The following GPC4 variants were observed in gnomAD, a reference collection of about 807,000 sequenced individuals.
The protein encoded by GPC4 is glypican-4.
Under a neutral mutation model 35.0 loss-of-function variants are expected in GPC4, and 10 were observed. The ratio of observed to expected loss-of-function variants is 0.29; its 90% confidence interval spans 0.18 to 0.48. The LOEUF (loss-of-function observed/expected upper bound fraction) is 0.48. Among genes scored for constraint, GPC4 ranks in the 20% least tolerant of loss-of-function variants. GPC4 has a pLI of 0.99. For missense variants in GPC4, 322 were observed against 451.3 expected, an observed-to-expected ratio of 0.71 and a Z score of 2.60; for synonymous variants, 167 against 170.2, an observed-to-expected ratio of 0.98 and a Z score of 0.15.
chrX:133,371,363 T>C (rs1460432526), intron 1 of GPC4, among the ~76,000 whole-genome samples: 1 of 112,426 alleles, frequency 8.9e-6, no homozygotes, highest in East Asian at 2.8e-4. Context: ...TCTGTGTTAT[T>C]TTCTTAAGGC....
At chrX:133,318,002 G>C (rs1459676164) in intron 3 of GPC4, among the ~76,000 whole-genome samples, 1 of 112,050 alleles carries the variant, frequency 8.9e-6, no homozygotes, top group Non-Finnish European at 1.9e-5. Context: ...CTTGAAATGT[G>C]TCTTGTCTTT....
At chrX:133,310,198 A>G (rs1397204262) in intron 4 of GPC4, among the ~76,000 whole-genome samples, 3 of 111,572 alleles carry the variant, frequency 2.7e-5, no homozygotes, top group African/African-American at 9.8e-5. Context: ...ACCAAGCCAG[A>G]ATACTGCATA....
chrX:133,312,368 C>T (rs1182848770), intron 3 of GPC4, among the ~76,000 whole-genome samples: 2 of 110,909 alleles, frequency 1.8e-5, no homozygotes, highest in Admixed American at 1.9e-4. Context: ...CGGTGGCTCA[C>T]GCCTGTAATC....
intron 1 of GPC4, among the ~76,000 whole-genome samples, chrX:133,367,499 T>C (rs2068594926): frequency 8.9e-6 from 1 of 112,490 alleles, no homozygotes. Context: ...GAATATACTG[T>C]TTCCTGTTCT....
Position 133,306,169 on chromosome X carries a change from G to A in GPC4, c.878-15C>T. The stretch of plus-strand genomic sequence containing the variant: ...CAGCATAGCATCTAATATGAGGTTT[G>A]GGGAAGAACAATACAGCATAAAAAG... On this transcript the variant is annotated splice_polypyrimidine_tract_variant and intron_variant, in intron 4 of 8. Transcript: ENST00000370828. 1 of 1,210,014 alleles carries A rather than the reference G, an allele frequency of 8.3e-7. No homozygotes were observed. The highest frequency in any genetic ancestry group is 1.1e-6 in the Non-Finnish European group (1 of 894,277).
rs1163177928 is a variant in GPC4, at chrX:133,324,268, C to G, written c.588G>C (p.Gln196His). Residue 196 changes from glutamine (Q) to histidine (H), a missense_variant, in exon 3 of 9, where the codon CAG becomes CAC. Transcript: ENST00000370828. Reference sequence around the variant, plus strand: ...GAGGGACATCTCCGAAGGGCTTCAGCTGCTCCGTATACTTGCTCACACATT... The same window carrying G: ...GAGGGACATCTCCGAAGGGCTTCAGGTGCTCCGTATACTTGCTCACACATT... ...YLECVSKYTEQLKPFGDVPRK... is the reference protein window; with the variant it reads ...YLECVSKYTEHLKPFGDVPRK... 1 of 1,211,665 alleles carries G rather than the reference C, an allele frequency of 8.3e-7. No homozygotes were observed. Among genetic ancestry groups the G allele is most frequent in the South Asian group, 1.8e-5 (1 of 56,973 alleles).
intron 1 of GPC4, among the ~76,000 whole-genome samples, chrX:133,377,265 G>A (rs978265180): frequency 3.6e-5 from 4 of 111,629 alleles, no homozygotes; most frequent in Non-Finnish European, 7.5e-5. Flanking sequence ...CAGAGCCTAA[G>A]ACCTCCCAAC....
At chrX:133,375,269 T>C (rs960458566) in intron 1 of GPC4, among the ~76,000 whole-genome samples, 4 of 111,466 alleles carry the variant, frequency 3.6e-5, no homozygotes, top group African/African-American at 1.3e-4. Context: ...ACAATGCTAA[T>C]GGAGGCAGTT....
chrX:133,411,313 C>T (rs762879307), intron 1 of GPC4, among the ~76,000 whole-genome samples: 7 of 112,310 alleles, frequency 6.2e-5, no homozygotes, highest in African/African-American at 1.9e-4. Flanking sequence ...TTCATGAATG[C>T]TTCTAACCCA....
Position 133,324,425 on chromosome X carries a change from A to G in GPC4, c.431T>C (p.Val144Ala), listed in dbSNP as rs1369534295. 8.3e-7 allele frequency: 1 copy of G among 1,211,103 alleles called. No homozygotes were observed. Among genetic ancestry groups the G allele is most frequent in the Non-Finnish European group, 1.1e-6 (1 of 895,228 alleles). The part of the protein sequence containing the change: ...QNSELFKDLF[V>A]ELKRYYVVGN... Reference sequence around the variant, plus strand: ...CACCACGTAGTAACGTTTCAACTCTACGAAGAGATCTTTAAATAGCTCAGA... The same window carrying G: ...CACCACGTAGTAACGTTTCAACTCTGCGAAGAGATCTTTAAATAGCTCAGA... The change falls in exon 3 of 9, where the codon GTA becomes GCA. Residue 144 changes from valine to alanine, a missense_variant. Physicochemically the swap from Val to Ala is moderately conservative, Grantham distance 64. Around this residue, in one of 3 missense-constraint regions of GPC4, gnomAD observed 163 missense variants for 277.2 expected, o/e 0.59. Coordinates refer to ENST00000370828, the MANE Select transcript of GPC4 (RefSeq NM_001448.3).
At chrX:133,405,038 T>G (rs769232919) in intron 1 of GPC4, among the ~76,000 whole-genome samples, 1 of 109,859 alleles carries the variant, frequency 9.1e-6, no homozygotes, top group African/African-American at 3.3e-5. Flanking sequence ...GATAGGTAAA[T>G]GTGTAAGTTA....
chrX:133,343,673 C>T (rs966163176), intron 1 of GPC4, among the ~76,000 whole-genome samples: 2 of 111,069 alleles, frequency 1.8e-5, no homozygotes, highest in African/African-American at 3.3e-5. Context: ...TTCAATGAAG[C>T]GTGCTTTTAA....
In GPC4 at chrX:133,306,137, C is replaced by T. The variant is rs2068290185; in HGVS notation, c.895G>A (p.Ala299Thr). Residue 299 changes from alanine to threonine, a missense_variant, in exon 5 of 9, where the codon GCA (alanine) becomes ACA (threonine). This residue lies in a region of GPC4 where 163 missense variants were observed against 277.2 expected (regional missense o/e 0.59). Coordinates refer to ENST00000370828, the MANE Select transcript of GPC4 (RefSeq NM_001448.3). ...NNFIDAMLMV[A>T]ERLEGPFNIE... is the part of the protein sequence containing the mutation. ...TTGAAAGGACCCTCTAGCCTCTCTG[C>T]CACCATCAGCATAGCATCTAATATG... 1.7e-6 allele frequency: 2 copies of T among 1,211,102 alleles called. No homozygotes were observed. Among genetic ancestry groups the T allele is most frequent in the Non-Finnish European group, 2.2e-6 (2 of 895,054 alleles).
In GPC4 at chrX:133,324,127, A is replaced by G. The variant is rs763025034; in HGVS notation, c.711+18T>C. The G allele has an allele frequency of 1.6e-5, 18 of 1,154,191 alleles. No individual in the cohort carries two copies. The African/African-American group carries it at 1.8e-4, about 12-fold the overall frequency. The stretch of plus-strand genomic sequence containing the variant: ...AAAACAAAACAAAAACAAAACAGAG[A>G]AGACAAGGAGTACTTACCACGGAGA... On this transcript the variant is annotated intron_variant, in intron 3 of 8. Coordinates refer to ENST00000370828, the MANE Select transcript of GPC4 (RefSeq NM_001448.3).
chrX:133,321,473 AG>A (rs754463395), intron 3 of GPC4, among the ~76,000 whole-genome samples: 1 of 112,187 alleles, frequency 8.9e-6, no homozygotes, highest in East Asian at 2.8e-4. Flanking sequence ...GGAAGGGGAG[AG>A]GGTTAACATA....
At chrX:133,311,876 ATCT>A (rs1464349152) in intron 3 of GPC4, among the ~76,000 whole-genome samples, 1 of 112,123 alleles carries the variant, frequency 8.9e-6, no homozygotes, top group African/African-American at 3.2e-5. Flanking sequence ...ACAGAAGCAC[ATCT>A]TCTTCTGCAT....
intron 1 of GPC4, among the ~76,000 whole-genome samples, chrX:133,341,004 A>G (rs73239380): frequency 0.054 from 5,463 of 101,785 alleles, 142 homozygotes; most frequent in Non-Finnish European, 0.077. Flanking sequence ...AAAAAAAGGG[A>G]AAAAAAAGGT....
intron 1 of GPC4, among the ~76,000 whole-genome samples, chrX:133,389,780 C>T: frequency 9.0e-6 from 1 of 111,424 alleles, no homozygotes; most frequent in Non-Finnish European, 1.9e-5. Context: ...GCACCACGGA[C>T]CGTGGGTACA....
At chrX:133,326,535 C>T (rs943380681) in intron 2 of GPC4, among the ~76,000 whole-genome samples, 2 of 111,290 alleles carry the variant, frequency 1.8e-5, no homozygotes, top group Non-Finnish European at 3.8e-5. Flanking sequence ...GTGGACAGGC[C>T]AAAATTTTCA....
Sources: gnomAD v4.1 joint callset for allele counts (sites outside exome capture counted in the v4.1 genomes callset) on GRCh38, gnomAD v4.1.1 for gene constraint, gnomAD v4.1.1 regional missense constraint, MANE v1.5 for transcripts, NCBI Gene and HGNC (gene_info 2026-07-23, HGNC 2026-07-21) for gene names.